Variants in NIPAL4 observed in about 807,000 individuals in gnomAD.
NIPAL4 encodes the protein magnesium transporter NIPA4.
A neutral mutation model predicts 31.6 loss-of-function variants in NIPAL4; 21 were observed. That is an observed-to-expected ratio of 0.67 (90% CI 0.47 to 0.96). The LOEUF (loss-of-function observed/expected upper bound fraction) is 0.96, where lower values mean the gene tolerates loss of function less well. Among genes scored for constraint, NIPAL4 ranks in the 40% least tolerant of loss-of-function variants. The pLI is 0.00. For missense variants in NIPAL4, 438 were observed against 508.0 expected (o/e 0.86, Z 1.32); for synonymous variants, 175 against 211.1 (o/e 0.83, Z 1.48).
chr5:157,467,390 C>T, intron 3 of NIPAL4: 2 of 376,408 alleles, frequency 5.3e-6, no homozygotes, highest in South Asian at 2.3e-5. Context: ...ATATCACTGC[C>T]TGTTGGTAGT....
intron 3 of NIPAL4, 54 bp from the exon 4 acceptor site, chr5:157,468,668 A>G: frequency 1.0e-6 from 1 of 985,128 alleles, no homozygotes; most frequent in Non-Finnish European, 1.6e-6. Flanking sequence ...TTCGTCTGGA[A>G]TGGAGATGGT....
At chr5:157,461,250 T>C (rs72809283) in intron 1 of NIPAL4, among the ~76,000 whole-genome samples, 6,527 of 152,316 alleles carry the variant, frequency 0.043, 186 homozygotes, top group East Asian at 0.089. Context: ...TGTTCCCCAG[T>C]CCTAGCATAT....
chr5:157,467,217 G>C (rs1754301714), intron 3 of NIPAL4, 112 bp downstream of exon 3: 1 of 777,298 alleles, frequency 1.3e-6, no homozygotes, highest in Admixed American at 2.0e-5. Flanking sequence ...GTGAATCTGA[G>C]GCCCAGATTC....
At position 157,473,909 on chromosome 5, in the gene NIPAL4, G is replaced by C. The variant is rs1214969748; in HGVS notation, c.*949G>C. ...AGTCAACCAACCTATGATCTGGGGA[G>C]GTGGGAAGAGGATGAGGAGCAAAGT... On this transcript the variant is annotated 3_prime_UTR_variant, in exon 6 of 6. Transcript: ENST00000311946. 1 of 152,260 alleles carries C rather than the reference G, an allele frequency of 6.6e-6. No homozygotes were observed. The highest frequency in any genetic ancestry group is 1.5e-5 in the Non-Finnish European group (1 of 68,068). 9.4% of individuals were successfully genotyped at this position (152,260 alleles called of 1,614,324 possible).
At chr5:157,467,138 C>T in intron 3 of NIPAL4, 33 bp downstream of exon 3, 1 of 1,504,850 alleles carries the variant, frequency 6.6e-7, no homozygotes, top group Non-Finnish European at 9.2e-7. Flanking sequence ...ATAACAGTGG[C>T]CTATTGATAG....
chr5:157,465,083 C>T (rs1754217451), intron 2 of NIPAL4, among the ~76,000 whole-genome samples: 1 of 152,008 alleles, frequency 6.6e-6, no homozygotes, highest in Middle Eastern at 3.2e-3. Flanking sequence ...TGGGAGGTTC[C>T]CACAGTTAGA....
At chr5:157,464,204 C>T (rs1754190977) in intron 2 of NIPAL4, among the ~76,000 whole-genome samples, 1 of 151,996 alleles carries the variant, frequency 6.6e-6, no homozygotes, top group Admixed American at 6.6e-5. Flanking sequence ...GTGTTCCAGG[C>T]AGAAGGAATA....
At chr5:157,461,611 GAGAA>G (rs1344917344) in intron 1 of NIPAL4, among the ~76,000 whole-genome samples, 1 of 152,256 alleles carries the variant, frequency 6.6e-6, no homozygotes, top group African/African-American at 2.4e-5. Flanking sequence ...GCCTGAGCTG[GAGAA>G]ACAGGAATGA....
chr5:157,473,727 G>C lies in NIPAL4; in HGVS notation c.*767G>C, dbSNP rs1754506882. On this transcript the variant is annotated 3_prime_UTR_variant, in exon 6 of 6. Transcript: ENST00000311946. ...CATAAAGGCAGTAATCGCAGAACTG[G>C]AAACAAAACAATAATAGAGCCACAG... The C allele has an allele frequency of 6.6e-6, 1 of 152,196 alleles. No individual in the cohort carries two copies. The highest frequency in any genetic ancestry group is 1.5e-5 in the Non-Finnish European group (1 of 68,062). The allele number at this position is 152,196 out of a possible 1,614,324, so 9.4% of individuals were successfully genotyped here.
intron 4 of NIPAL4, 39 bp from the exon 5 acceptor site, chr5:157,471,618 A>G: frequency 6.4e-7 from 1 of 1,556,676 alleles, no homozygotes; most frequent in Non-Finnish European, 8.8e-7. Context: ...TGGGACAGGC[A>G]TGGCTGCTCT....
Position 157,473,644 on chromosome 5 carries a change from C to T in NIPAL4, c.*684C>T, listed in dbSNP as rs1184547452. The T allele has an allele frequency of 1.3e-5, 2 of 152,374 alleles. No homozygotes were observed. Among genetic ancestry groups the T allele is most frequent in the Non-Finnish European group, 2.9e-5 (2 of 68,088 alleles). The allele number at this position is 152,374 out of a possible 1,614,324, so 9.4% of individuals were successfully genotyped here. ...GTCAGCACCTCGGCATCCACCCAGT[C>T]CATCCCACCATCACCCCTTCCCCCT... On this transcript the variant is annotated 3_prime_UTR_variant, in exon 6 of 6. Coordinates refer to ENST00000311946, the MANE Select transcript of NIPAL4 (RefSeq NM_001099287.2).
chr5:157,471,543 A>G, intron 4 of NIPAL4, 114 bp from the exon 5 acceptor site: 1 of 781,402 alleles, frequency 1.3e-6, no homozygotes, highest in Non-Finnish European at 2.0e-6. Flanking sequence ...CACGTGAGAA[A>G]CTAGTGAGTT....
intron 1 of NIPAL4, among the ~76,000 whole-genome samples, chr5:157,462,089 C>A (rs951958): frequency 0.3 from 45,366 of 152,086 alleles, 7,305 homozygotes; most frequent in East Asian, 0.72. Context: ...CTTGGTGACA[C>A]ACAGCTTGAA....
Position 157,473,056 on chromosome 5 carries a change from A to C in NIPAL4, c.*96A>C. On this transcript the variant is annotated 3_prime_UTR_variant, in exon 6 of 6. Transcript: ENST00000311946. The stretch of plus-strand genomic sequence containing the variant: ...GTTATTTTCCAGTGCAACTGTTACC[A>C]ATGGGCTCTCTTTTCTTGAGAAGTT... 2 of 1,033,760 alleles carry C rather than the reference A, an allele frequency of 1.9e-6. No homozygotes were observed. Among genetic ancestry groups the C allele is most frequent in the Non-Finnish European group, 2.7e-6 (2 of 735,392 alleles). 64.0% of individuals were successfully genotyped at this position (1,033,760 alleles called of 1,614,324 possible).
At chr5:157,467,197 T>C (rs1221463286) in intron 3 of NIPAL4, 92 bp downstream of exon 3, 11 of 919,828 alleles carry the variant, frequency 1.2e-5, no homozygotes, top group Middle Eastern at 4.3e-4. Flanking sequence ...TTGTCTCTAG[T>C]ATGGCAAGTG....
At chr5:157,466,054 AG>A (rs1754264875) in intron 2 of NIPAL4, among the ~76,000 whole-genome samples, 1 of 75,918 alleles carries the variant, frequency 1.3e-5, no homozygotes, top group African/African-American at 4.8e-5. Flanking sequence ...GGGAAGGAAG[AG>A]AGAGAGAAAG....
At chr5:157,465,303 T>C (rs1442572741) in intron 2 of NIPAL4, among the ~76,000 whole-genome samples, 2 of 152,156 alleles carry the variant, frequency 1.3e-5, no homozygotes, top group Non-Finnish European at 2.9e-5. Flanking sequence ...CTGGAATCCA[T>C]TTTTTTCTCC....
intron 1 of NIPAL4, among the ~76,000 whole-genome samples, chr5:157,461,084 A>G (rs1456240884): frequency 6.7e-6 from 1 of 149,442 alleles, no homozygotes; most frequent in Non-Finnish European, 1.5e-5. Flanking sequence ...CCACTTTCCT[A>G]CCTTGTCTTG....
At chr5:157,468,629 G>T in intron 3 of NIPAL4, 93 bp from the exon 4 acceptor site, 1 of 790,518 alleles carries the variant, frequency 1.3e-6, no homozygotes, top group Non-Finnish European at 2.3e-6. Flanking sequence ...GCTGGTCTGG[G>T]ATTCTCCAGC....
Sources: allele counts gnomAD v4.1 joint callset (sites outside exome capture counted in the v4.1 genomes callset), GRCh38; gene constraint gnomAD v4.1.1; transcripts MANE v1.5; gene names NCBI Gene and HGNC (gene_info 2026-07-23, HGNC 2026-07-21).